The following MAML1 variants were observed in gnomAD, a reference collection of about 807,000 sequenced individuals.
MAML1 encodes the protein mastermind-like protein 1.
A neutral mutation model predicts 77.1 loss-of-function variants in MAML1; 14 were observed. The observed-to-expected ratio is 0.18, with a 90% CI of 0.12 to 0.28. The LOEUF is 0.28. MAML1 is among the 10% of genes least tolerant of loss of function. MAML1 has a pLI of 1.00. For missense variants in MAML1, 1,217 were observed against 1,327.8 expected (o/e 0.92, Z 1.30); for synonymous variants, 516 against 551.9 (o/e 0.93, Z 0.91).
intron 1 of MAML1, among the ~76,000 whole-genome samples, chr5:179,753,406 T>G (rs1047361498): frequency 6.6e-6 from 1 of 152,248 alleles, no homozygotes; most frequent in Non-Finnish European, 1.5e-5. Context: ...TTTTTCTCCT[T>G]AAGATAGAAT....
At chr5:179,736,929 C>G (rs1329765864) in intron 1 of MAML1, among the ~76,000 whole-genome samples, 1 of 150,540 alleles carries the variant, frequency 6.6e-6, no homozygotes, top group African/African-American at 2.4e-5. Flanking sequence ...CCACTGCACT[C>G]CAGCCTGGGC....
At chr5:179,741,817 A>G (rs1779289738) in intron 1 of MAML1, among the ~76,000 whole-genome samples, 1 of 152,136 alleles carries the variant, frequency 6.6e-6, no homozygotes, top group South Asian at 2.1e-4. Context: ...ACATTTGAGG[A>G]ACACTGGGCT....
intron 1 of MAML1, among the ~76,000 whole-genome samples, chr5:179,746,324 G>A (rs1175002015): frequency 2.0e-5 from 3 of 152,076 alleles, no homozygotes; most frequent in South Asian, 2.1e-4. Context: ...GCAGCCTGGC[G>A]GCAGAGCGAG....
rs1756077255 is a variant in MAML1 at position 179,774,260 on chromosome 5, A to C, written c.2434A>C (p.Asn812His). 2 of 1,613,406 alleles carry C rather than the reference A, an allele frequency of 1.2e-6. No homozygotes were observed. Among genetic ancestry groups the C allele is most frequent in the Non-Finnish European group, 1.7e-6 (2 of 1,179,962 alleles). Residue 812 changes from asparagine to histidine, a missense_variant, in exon 5 of 5, where the codon AAT becomes CAT. By Grantham distance (68) the Asn-to-His change is moderately conservative. Around this residue, in one of 3 missense-constraint regions of MAML1, gnomAD observed 884 missense variants for 949.3 expected, o/e 0.93. Transcript: ENST00000292599. ...AAGCTCTGGCCTCTCCCAGCAGCAC[A>C]ATAAGGGGACCCTGAACCCTGGTTT... ...LGSSGLSQQH[N>H]KGTLNPGLTK... is the part of the protein sequence containing the mutation.
At chr5:179,767,417 ATGAG>A (rs1393797078) in intron 2 of MAML1, among the ~76,000 whole-genome samples, 8 of 152,364 alleles carry the variant, frequency 5.3e-5, no homozygotes, top group Non-Finnish European at 5.9e-5. Flanking sequence ...GAGTGTGTAA[ATGAG>A]CTCACTGCTT....
At chr5:179,755,840 C>T (rs1459559651) in intron 1 of MAML1, among the ~76,000 whole-genome samples, 1 of 151,624 alleles carries the variant, frequency 6.6e-6, no homozygotes, top group African/African-American at 2.4e-5. Flanking sequence ...TCTCAGCTCA[C>T]TGCAACCTCT....
chr5:179,768,099 C>T (rs1779856145), intron 2 of MAML1, among the ~76,000 whole-genome samples: 1 of 152,188 alleles, frequency 6.6e-6, no homozygotes, highest in Non-Finnish European at 1.5e-5. Context: ...AGGGATAGCC[C>T]GAAATCCAAG....
chr5:179,751,268 C>T (rs570253902), intron 1 of MAML1, among the ~76,000 whole-genome samples: 1 of 152,296 alleles, frequency 6.6e-6, no homozygotes, highest in South Asian at 2.1e-4. Flanking sequence ...CCACCGTGCC[C>T]AGCTGGCTAC....
chr5:179,762,867 G>A (rs1246059895), intron 1 of MAML1, among the ~76,000 whole-genome samples: 1 of 152,182 alleles, frequency 6.6e-6, no homozygotes, highest in African/African-American at 2.4e-5. Flanking sequence ...TAAATTTTGT[G>A]AGTAGTTGAC....
At chr5:179,744,802 G>A (rs62406181) in intron 1 of MAML1, among the ~76,000 whole-genome samples, 42,740 of 152,084 alleles carry the variant, frequency 0.28, 6,337 homozygotes, top group Non-Finnish European at 0.34. Flanking sequence ...GATTCATGCA[G>A]AATAATAGAT....
At chr5:179,749,902 C>T (rs978089775) in intron 1 of MAML1, among the ~76,000 whole-genome samples, 7 of 152,246 alleles carry the variant, frequency 4.6e-5, no homozygotes, top group Admixed American at 6.5e-5. Flanking sequence ...CTGGTCCCCA[C>T]CTTGGCCCTG....
At chr5:179,761,151 T>A (rs1226116737) in intron 1 of MAML1, among the ~76,000 whole-genome samples, 1 of 151,892 alleles carries the variant, frequency 6.6e-6, no homozygotes, top group African/African-American at 2.4e-5. Flanking sequence ...CCCAGCACTT[T>A]AGGAGGCTGA....
chr5:179,773,600 C>T (rs1436254890), intron 4 of MAML1: 1 of 327,280 alleles, frequency 3.1e-6, no homozygotes, highest in Non-Finnish European at 4.4e-6. Context: ...GTCCCCGGTG[C>T]CCACCACAGG....
chr5:179,753,654 A>ATTATTTTT (rs1554150374), intron 1 of MAML1, among the ~76,000 whole-genome samples: 1 of 88,848 alleles, frequency 1.1e-5, no homozygotes, highest in African/African-American at 3.6e-5. Flanking sequence ...TATTATTATT[A>ATTATTTTT]TTTTTTTTTT....
At chr5:179,750,155 G>GTTA (rs1179590560) in intron 1 of MAML1, among the ~76,000 whole-genome samples, 1 of 152,222 alleles carries the variant, frequency 6.6e-6, no homozygotes, top group Non-Finnish European at 1.5e-5. Context: ...TTTACATGTA[G>GTTA]TTATAATAGC....
chr5:179,775,547 T>C lies in MAML1; in HGVS notation c.*670T>C. The C allele has an allele frequency of 1.0e-6, 1 of 985,396 alleles. No individual in the cohort carries two copies. Among genetic ancestry groups the C allele is most frequent in the Non-Finnish European group, 1.2e-6 (1 of 829,926 alleles). The allele number at this position is 985,396 out of a possible 1,614,324, so 61.0% of individuals were successfully genotyped here. A position where few individuals can be genotyped will look rare whatever the true frequency, so the allele number is the denominator to read the frequency against. Reference sequence around the variant, plus strand: ...CCAAAAAGGGACAGGAGGCATGGGATAGCAGGTCTGGTGACACAGCTAGGG... The same window carrying C: ...CCAAAAAGGGACAGGAGGCATGGGACAGCAGGTCTGGTGACACAGCTAGGG... On this transcript the variant is annotated 3_prime_UTR_variant, in exon 5 of 5. Transcript: ENST00000292599.
chr5:179,752,341 A>AT (rs1323613536), intron 1 of MAML1, among the ~76,000 whole-genome samples: 20,285 of 102,478 alleles, frequency 0.2, 3,556 homozygotes, highest in South Asian at 0.35. Flanking sequence ...AAAAAAAAAA[A>AT]AAAAAAAAAA....
Position 179,774,145 on chromosome 5 carries a change from G to A in MAML1, c.2319G>A (p.Gln773=), listed in dbSNP as rs756518830. The change falls in exon 5 of 5, where the codon CAG becomes CAA. Residue 773 remains glutamine (Q), a synonymous_variant. Transcript: ENST00000292599. ...ITQIVAQPPP[Q]ATNGHAHIPR... ...AGATAGTTGCCCAGCCCCCGCCACA[G>A]GCCACCAATGGACATGCCCACATTC... The A allele has an allele frequency of 1.2e-5, 20 of 1,613,554 alleles. No individual in the cohort carries two copies. The South Asian group carries it at 2.1e-4, about 17-fold the overall frequency.
chr5:179,741,828 A>G (rs530239536), intron 1 of MAML1, among the ~76,000 whole-genome samples: 4 of 152,294 alleles, frequency 2.6e-5, no homozygotes, highest in Admixed American at 6.5e-5. Flanking sequence ...ACACTGGGCT[A>G]AACAATTCTT....
Sources: gnomAD v4.1 joint callset for allele counts (sites outside exome capture counted in the v4.1 genomes callset) on GRCh38, gnomAD v4.1.1 for gene constraint, gnomAD v4.1.1 regional missense constraint, MANE v1.5 for transcripts, NCBI Gene and HGNC (gene_info 2026-07-23, HGNC 2026-07-21) for gene names.